The following EIF4ENIF1 variants were observed in gnomAD, a reference collection of about 807,000 sequenced individuals.
EIF4ENIF1 encodes the protein eukaryotic translation initiation factor 4E nuclear import factor 1, also known as eukaryotic translation initiation factor 4E transporter.
Under a neutral mutation model 110.5 loss-of-function variants are expected in EIF4ENIF1, and 23 were observed. The observed-to-expected ratio is 0.21, with a 90% CI of 0.15 to 0.29. The LOEUF is 0.29. EIF4ENIF1 is among the 10% of genes least tolerant of loss of function. EIF4ENIF1 has a pLI of 1.00. For synonymous variants in EIF4ENIF1, 440 were observed against 437.0 expected (o/e 1.01, Z -0.09); for missense variants, 1,031 against 1,221.1 (o/e 0.84, Z 2.32).
intron 2 of EIF4ENIF1, among the ~76,000 whole-genome samples, chr22:31,476,913 T>C (rs759013549): frequency 1.1e-4 from 16 of 149,438 alleles, no homozygotes; most frequent in Admixed American, 1.3e-4. Flanking sequence ...GGTATGAGAA[T>C]TGCGAACCTG....
intron 14 of EIF4ENIF1, among the ~76,000 whole-genome samples, chr22:31,445,951 C>CCG (rs1377905409): frequency 7.3e-6 from 1 of 136,660 alleles, no homozygotes; most frequent in Non-Finnish European, 1.6e-5. Flanking sequence ...CAGTTACGTA[C>CCG]CGCCCCCCCC....
rs2051087466 is a variant in EIF4ENIF1, at chr22:31,463,970, G to A, written c.299-3C>T. 3 of 1,608,790 alleles carry A rather than the reference G, an allele frequency of 1.9e-6. No homozygotes were observed. The highest frequency in any genetic ancestry group is 2.5e-6 in the Non-Finnish European group (3 of 1,178,300). ...TTCTTTCACACGCTCTCGTGGATCT[G>A]GAAGGACGTGGGAAAGACAAAGTTA... On this transcript the variant is annotated splice_polypyrimidine_tract_variant and splice_region_variant and intron_variant, in intron 4 of 18. Coordinates refer to ENST00000330125, the MANE Select transcript of EIF4ENIF1 (RefSeq NM_019843.4).
intron 17 of EIF4ENIF1, 145 bp from the exon 18 acceptor site, chr22:31,441,013 TTGGGAGGCCAAAGCAGGCGGACC>T: frequency 8.8e-7 from 1 of 1,131,180 alleles, no homozygotes; most frequent in Non-Finnish European, 1.3e-6. Context: ...CCCCAGCACT[TTGGGAGGCCAAAGCAGGCGGACC>T]ACGAGGTCAG....
chr22:31,478,949 CAAA>C (rs377466384), intron 2 of EIF4ENIF1, among the ~76,000 whole-genome samples: 6 of 89,234 alleles, frequency 6.7e-5, no homozygotes, highest in Admixed American at 1.2e-4. Context: ...GAGACTGTTT[CAAA>C]AAAAAAAAAA....
intron 3 of EIF4ENIF1, among the ~76,000 whole-genome samples, chr22:31,471,367 T>G (rs1040630044): frequency 6.6e-6 from 1 of 150,384 alleles, no homozygotes; most frequent in African/African-American, 2.4e-5. Flanking sequence ...CAGGCTGGAG[T>G]GCAGTAGTGC....
At chr22:31,472,041 G>T in intron 2 of EIF4ENIF1, 124 bp from the exon 3 acceptor site, 1 of 735,988 alleles carries the variant, frequency 1.4e-6, no homozygotes, top group Non-Finnish European at 2.1e-6. Flanking sequence ...TTTACATCTT[G>T]CCTTATTTCA....
upstream of EIF4ENIF1, among the ~76,000 whole-genome samples, chr22:31,490,168 C>G (rs539968182): frequency 2.0e-4 from 31 of 152,344 alleles, no homozygotes; most frequent in African/African-American, 6.7e-4. Flanking sequence ...GCGGACGGCA[C>G]TTGGGACCCG....
At chr22:31,482,459 A>G (rs2051853531) in intron 2 of EIF4ENIF1, among the ~76,000 whole-genome samples, 1 of 152,142 alleles carries the variant, frequency 6.6e-6, no homozygotes, top group South Asian at 2.1e-4. Context: ...CGGCAGGTGG[A>G]TCACTTGAGG....
intron 3 of EIF4ENIF1, among the ~76,000 whole-genome samples, chr22:31,470,440 C>T (rs895278566): frequency 2.0e-5 from 3 of 151,698 alleles, no homozygotes; most frequent in African/African-American, 7.3e-5. Context: ...GCCACCACAC[C>T]CAGCTAATTT....
chr22:31,486,304 C>CA (rs2052026377), intron 2 of EIF4ENIF1, among the ~76,000 whole-genome samples: 1 of 150,792 alleles, frequency 6.6e-6, no homozygotes, highest in Non-Finnish European at 1.5e-5. Context: ...AATAAAAATA[C>CA]AAAAACAAAA....
chr22:31,464,700 ATATATAT>A (rs1469238265), intron 4 of EIF4ENIF1, among the ~76,000 whole-genome samples: 1 of 61,356 alleles, frequency 1.6e-5, no homozygotes, highest in African/African-American at 7.3e-5. Context: ...AAAAAAAAAA[ATATATAT>A]ATATATATAT....
intron 14 of EIF4ENIF1, among the ~76,000 whole-genome samples, chr22:31,445,471 T>C (rs747233432): frequency 4.6e-5 from 7 of 152,178 alleles, no homozygotes; most frequent in African/African-American, 9.7e-5. Context: ...ATTGCTGCCA[T>C]GCTGTGACTG....
intron 2 of EIF4ENIF1, among the ~76,000 whole-genome samples, chr22:31,487,070 CAAAAA>C (rs34019421): frequency 6.8e-6 from 1 of 146,050 alleles, no homozygotes; most frequent in Non-Finnish European, 1.5e-5. Context: ...AACTCCATCT[CAAAAA>C]AAAAAAAGTA....
At chr22:31,441,715 C>T in intron 17 of EIF4ENIF1, 59 bp downstream of exon 17, 1 of 1,400,072 alleles carries the variant, frequency 7.1e-7, no homozygotes, top group South Asian at 1.4e-5. Flanking sequence ...TTCATCAGTG[C>T]CAACAATTGT....
At chr22:31,458,925 C>CT (rs11337049) in intron 6 of EIF4ENIF1, among the ~76,000 whole-genome samples, 5,346 of 107,222 alleles carry the variant, frequency 0.05, 178 homozygotes, top group Non-Finnish European at 0.055. Flanking sequence ...GGAGGGGGGT[C>CT]TTTTTTTTTT....
chr22:31,476,463 C>G lies in EIF4ENIF1; in HGVS notation c.97-4546G>C, dbSNP rs9619200. 9.3e-3 allele frequency among the ~76,000 whole-genome samples: 1,406 copies of G among 151,188 alleles called. 23 individuals are homozygous for G. The highest frequency in any genetic ancestry group is 0.025 in the African/African-American group (1,027 of 41,098). On this transcript the variant is annotated intron_variant, in intron 2 of 18. Transcript: ENST00000330125. ...AAAAGCCTAATTTTGGTCCTATTGA[C>G]GAGGAATCAAAAAATACTTTAACAG...
chr22:31,449,451 T>A lies in EIF4ENIF1; in HGVS notation c.1665A>T (p.Thr555=). 6.2e-7 allele frequency: 1 copy of A among 1,613,924 alleles called. No individual in the cohort carries two copies. Among genetic ancestry groups the A allele is most frequent in the Non-Finnish European group, 8.5e-7 (1 of 1,179,806 alleles). ...AGGGTGCTCTTTGGCCCAGTAAAGATGTTGTAGGCTCCAAGCTCCCCATAA... is the reference window on the plus strand; with the variant it reads ...AGGGTGCTCTTTGGCCCAGTAAAGAAGTTGTAGGCTCCAAGCTCCCCATAA... ...SGLMGSLEPT[T]SLLGQRAPSP... The change falls in exon 12 of 19, where the codon ACA becomes ACT. Residue 555 remains threonine, a synonymous_variant. Coordinates refer to ENST00000330125, the MANE Select transcript of EIF4ENIF1 (RefSeq NM_019843.4).
chr22:31,486,329 C>G (rs1263385942), intron 2 of EIF4ENIF1, among the ~76,000 whole-genome samples: 1 of 151,728 alleles, frequency 6.6e-6, no homozygotes, highest in East Asian at 1.9e-4. Context: ...CTGGGTGTGG[C>G]AGCGTGCACC....
chr22:31,455,395 C>CTTTTTTTTT (rs67838369), intron 8 of EIF4ENIF1, 80 bp from the exon 9 acceptor site: 13 of 810,152 alleles, frequency 1.6e-5, no homozygotes, highest in South Asian at 1.2e-4. Context: ...TTCTTTCTTT[C>CTTTTTTTTT]TTTTTTTTTT....
Sources: allele counts gnomAD v4.1 joint callset (sites outside exome capture counted in the v4.1 genomes callset), GRCh38; gene constraint gnomAD v4.1.1; transcripts MANE v1.5; gene names NCBI Gene and HGNC (gene_info 2026-07-23, HGNC 2026-07-21).